GPC6: variants seen among roughly 807,000 people sequenced by gnomAD.
The protein encoded by GPC6 is glypican 6.
GPC6 carries 14 observed loss-of-function variants against 55.2 expected under a neutral mutation model. The observed-to-expected ratio is 0.25, with a 90% CI of 0.17 to 0.40. The LOEUF is 0.40. GPC6 is among the 10% of genes least tolerant of loss of function. The pLI is 1.00. For synonymous variants in GPC6, 278 were observed against 259.6 expected (o/e 1.07, Z -0.68); for missense variants, 641 against 708.5 (o/e 0.90, Z 1.08).
chr13:94,340,527 A>C (rs1482805457), intron 6 of GPC6, among the ~76,000 whole-genome samples: 1 of 152,208 alleles, frequency 6.6e-6, no homozygotes, highest in Non-Finnish European at 1.5e-5. Flanking sequence ...AAAGGCTATA[A>C]AATTACATTC....
intron 3 of GPC6, among the ~76,000 whole-genome samples, chr13:93,900,332 A>G (rs1307409259): frequency 6.6e-6 from 1 of 152,154 alleles, no homozygotes; most frequent in African/African-American, 2.4e-5. Context: ...GATTTGCTTT[A>G]GTGATTCATT....
intron 4 of GPC6, among the ~76,000 whole-genome samples, chr13:94,228,200 C>A (rs914619840): frequency 1.4e-4 from 21 of 152,098 alleles, no homozygotes; most frequent in African/African-American, 3.9e-4. Flanking sequence ...CACACTTATG[C>A]AGAGTAATCC....
chr13:94,292,641 T>C (rs531901618), intron 5 of GPC6, among the ~76,000 whole-genome samples: 1 of 152,324 alleles, frequency 6.6e-6, no homozygotes, highest in Admixed American at 6.5e-5. Flanking sequence ...ATCTCTCTTA[T>C]GTATATGAAG....
intron 2 of GPC6, among the ~76,000 whole-genome samples, chr13:93,571,620 G>T (rs2139475164): frequency 6.6e-6 from 1 of 152,264 alleles, no homozygotes; most frequent in Non-Finnish European, 1.5e-5. Flanking sequence ...TTAATGATGT[G>T]ACTAAAATTC....
chr13:93,261,842 T>C (rs1877157400), intron 1 of GPC6, among the ~76,000 whole-genome samples: 1 of 152,064 alleles, frequency 6.6e-6, no homozygotes. Flanking sequence ...TAGGCAAATG[T>C]CGTTGGGAAT....
rs768314301 is a variant in GPC6, at chr13:94,406,032, T to C, written c.*2815T>C. 2.6e-5 allele frequency: 4 copies of C among 152,170 alleles called. No homozygotes were observed. Among genetic ancestry groups the C allele is most frequent in the Non-Finnish European group, 4.4e-5 (3 of 67,996 alleles). The allele number at this position is 152,170 out of a possible 1,614,324, so 9.4% of individuals were successfully genotyped here. ...TGCAATGAGGCTTCATTATTTTTTA[T>C]GACCTGCCCCTCATTTGCTCTGATG... is the stretch of plus-strand genomic sequence containing the variant. On this transcript the variant is annotated 3_prime_UTR_variant, in exon 9 of 9. Coordinates refer to ENST00000377047, the MANE Select transcript of GPC6 (RefSeq NM_005708.5).
intron 6 of GPC6, among the ~76,000 whole-genome samples, chr13:94,330,818 A>G (rs1877371016): frequency 6.6e-6 from 1 of 151,958 alleles, no homozygotes; most frequent in Admixed American, 6.6e-5. Flanking sequence ...ATCTCTTGAG[A>G]CCTTAGCCTA....
intron 1 of GPC6, among the ~76,000 whole-genome samples, chr13:93,427,412 A>C (rs1038926196): frequency 1.3e-5 from 2 of 151,646 alleles, no homozygotes; most frequent in African/African-American, 4.8e-5. Context: ...GATATAGATC[A>C]ATGGAACAGA....
At chr13:94,358,534 C>A (rs560700164) in intron 6 of GPC6, among the ~76,000 whole-genome samples, 13 of 152,238 alleles carry the variant, frequency 8.5e-5, no homozygotes, top group African/African-American at 2.9e-4. Flanking sequence ...AAGTTGAAGT[C>A]ACAGGGTTGA....
intron 1 of GPC6, among the ~76,000 whole-genome samples, chr13:93,443,736 G>T (rs1877892489): frequency 6.6e-6 from 1 of 152,196 alleles, no homozygotes; most frequent in Admixed American, 6.5e-5. Flanking sequence ...GTGTCCAATA[G>T]AAGAGAGAAG....
rs188318655 is a variant in GPC6 at position 93,978,008 on chromosome 13, A to G, written c.712-49721A>G. ...TTGCTTTCAGATGACCTTGACACAG[A>G]CAGACTATTCTGGATTATCCAAGTG... On this transcript the variant is annotated intron_variant, in intron 3 of 8. Transcript: ENST00000377047. Among the ~76,000 whole-genome samples the G allele has an allele frequency of 9.8e-5, 15 of 152,332 alleles. No homozygotes were observed. The East Asian group carries it at 2.3e-3, about 23-fold the overall frequency.
intron 2 of GPC6, among the ~76,000 whole-genome samples, chr13:93,664,844 A>G (rs577290269): frequency 1.0e-3 from 154 of 152,352 alleles, no homozygotes; most frequent in African/African-American, 3.4e-3. Context: ...AGTATTCTGA[A>G]TTAAAAATTT....
Position 94,309,235 on chromosome 13 carries a change from C to T in GPC6, c.1152+3112C>T, listed in dbSNP as rs189401635. On this transcript the variant is annotated intron_variant, in intron 6 of 8. Transcript: ENST00000377047. ...AAAACACTACTCCAATCACCCCACC[C>T]CTTTTGCCAAAATGAAAATAACTAT... Among the ~76,000 whole-genome samples, 5 of 152,308 alleles carry T rather than the reference C, an allele frequency of 3.3e-5. No individual in the cohort carries two copies. In the East Asian group the frequency reaches 5.8e-4, roughly 18 times the overall value.
intron 1 of GPC6, among the ~76,000 whole-genome samples, chr13:93,423,235 G>T (rs550638587): frequency 9.6e-4 from 146 of 152,196 alleles, no homozygotes; most frequent in Non-Finnish European, 1.7e-3. Context: ...CCATCACACA[G>T]GACTGAATGT....
At chr13:93,384,929 A>G (rs937410289) in intron 1 of GPC6, among the ~76,000 whole-genome samples, 1 of 152,240 alleles carries the variant, frequency 6.6e-6, no homozygotes, top group Admixed American at 6.5e-5. Context: ...TGTGTTAGGC[A>G]CTAGGTATCC....
chr13:93,534,110 A>C (rs941055047), intron 1 of GPC6, among the ~76,000 whole-genome samples: 4 of 151,996 alleles, frequency 2.6e-5, no homozygotes, highest in African/African-American at 4.8e-5. Flanking sequence ...TGGGTGAAAA[A>C]CCCAAAATAA....
chr13:94,344,685 G>A (rs376497405), intron 6 of GPC6, among the ~76,000 whole-genome samples: 34 of 152,294 alleles, frequency 2.2e-4, no homozygotes, highest in African/African-American at 7.5e-4. Context: ...CGCTAACACC[G>A]AGCATTTATT....
chr13:93,744,870 A>T (rs1884345906), intron 2 of GPC6, among the ~76,000 whole-genome samples: 1 of 151,710 alleles, frequency 6.6e-6, no homozygotes, highest in South Asian at 2.1e-4. Context: ...GAAGCGAAGG[A>T]TGCAGTGAGC....
Position 94,063,109 on chromosome 13 carries a change from C to A in GPC6, c.877+35215C>A, listed in dbSNP as rs146426858. Among the ~76,000 whole-genome samples, 508 of 152,276 alleles carry A rather than the reference C, an allele frequency of 3.3e-3. 6 individuals are homozygous for A. The highest frequency in any genetic ancestry group is 0.012 in the African/African-American group (495 of 41,548). ...TAATTGGTCACTCCAGAGATGAATA[C>A]TTAGAAAGCATTAGATTTTAGACCT... is the stretch of plus-strand genomic sequence containing the variant. On this transcript the variant is annotated intron_variant, in intron 4 of 8. Transcript: ENST00000377047.
Sources: allele counts gnomAD v4.1 joint callset (sites outside exome capture counted in the v4.1 genomes callset), GRCh38; gene constraint gnomAD v4.1.1; transcripts MANE v1.5; gene names NCBI Gene and HGNC (gene_info 2026-07-23, HGNC 2026-07-21).